Variants in CNOT6 observed in about 807,000 individuals in gnomAD.
CNOT6 encodes CCR4-NOT transcription complex subunit 6, also known as carbon catabolite repression 4 protein.
CNOT6 carries 12 observed loss-of-function variants against 61.2 expected under a neutral mutation model. The observed-to-expected ratio is 0.20, with a 90% CI of 0.13 to 0.32. The LOEUF (loss-of-function observed/expected upper bound fraction) is 0.32, where lower values mean the gene tolerates loss of function less well. Among genes scored for constraint, CNOT6 ranks in the 10% least tolerant of loss-of-function variants. The pLI is 1.00. For synonymous variants in CNOT6, 225 were observed against 240.6 expected, an observed-to-expected ratio of 0.94 and a Z score of 0.60; for missense variants, 405 against 663.9, an observed-to-expected ratio of 0.61 and a Z score of 4.28.
At chr5:180,530,988 A>G (rs910821467) in intron 2 of CNOT6, among the ~76,000 whole-genome samples, 4 of 152,206 alleles carry the variant, frequency 2.6e-5, no homozygotes, top group Admixed American at 6.5e-5. Flanking sequence ...CACAGTAACA[A>G]TCTGATCTCT....
At chr5:180,507,370 C>T (rs924173574) in intron 1 of CNOT6, among the ~76,000 whole-genome samples, 1 of 152,164 alleles carries the variant, frequency 6.6e-6, no homozygotes, top group African/African-American at 2.4e-5. Flanking sequence ...GAGGCCCAGG[C>T]GGGCAGATCA....
intron 1 of CNOT6, among the ~76,000 whole-genome samples, chr5:180,519,264 C>T (rs1259512584): frequency 6.6e-6 from 1 of 152,212 alleles, no homozygotes; most frequent in African/African-American, 2.4e-5. Context: ...GTAGAGAAAG[C>T]TGTGTCAGGC....
chr5:180,572,020 T>C (rs965681930), intron 11 of CNOT6, among the ~76,000 whole-genome samples: 4 of 152,232 alleles, frequency 2.6e-5, no homozygotes, highest in African/African-American at 9.6e-5. Context: ...GGGACAATTA[T>C]GTTTCTTATA....
At chr5:180,547,082 G>A (rs181273693) in intron 2 of CNOT6, among the ~76,000 whole-genome samples, 3 of 152,292 alleles carry the variant, frequency 2.0e-5, no homozygotes, top group African/African-American at 7.2e-5. Context: ...ACTATTTCAT[G>A]TCATTGTTCA....
chr5:180,500,005 T>G (rs1756795176), intron 1 of CNOT6, among the ~76,000 whole-genome samples: 1 of 152,220 alleles, frequency 6.6e-6, no homozygotes, highest in Non-Finnish European at 1.5e-5. Context: ...TGTGACAGAA[T>G]AGCACATAAA....
chr5:180,536,165 T>A (rs893213224), intron 2 of CNOT6, among the ~76,000 whole-genome samples: 2 of 33,202 alleles, frequency 6.0e-5, no homozygotes, highest in African/African-American at 1.3e-4. Flanking sequence ...CCGGCTAATT[T>A]TTTGTATTTT....
intron 2 of CNOT6, among the ~76,000 whole-genome samples, chr5:180,530,651 G>A (rs1246496823): frequency 1.3e-5 from 2 of 152,008 alleles, no homozygotes; most frequent in African/African-American, 4.8e-5. Context: ...AATAGTGGAG[G>A]GAAGGTCAGC....
chr5:180,515,722 C>T (rs911894452), intron 1 of CNOT6, among the ~76,000 whole-genome samples: 2 of 151,574 alleles, frequency 1.3e-5, no homozygotes, highest in African/African-American at 4.9e-5. Context: ...AGCCTGATTA[C>T]TAAAAAAAAA....
In CNOT6 at chr5:180,517,568, A is replaced by G. The variant is rs1198599623; in HGVS notation, c.-2-11707A>G. ...TTTTCTTTTTTCTTCTTTTTTTGAG[A>G]CAGTCTCTCTCTTTTGCCAGGCTGG... On this transcript the variant is annotated intron_variant, in intron 1 of 11. Transcript: ENST00000261951. Among the ~76,000 whole-genome samples, 6 of 149,832 alleles carry G rather than the reference A, an allele frequency of 4.0e-5. No individual in the cohort carries two copies. In the South Asian group the frequency reaches 1.1e-3, roughly 26 times the overall value.
At chr5:180,552,442 C>T (rs950011381) in intron 3 of CNOT6, among the ~76,000 whole-genome samples, 1 of 151,602 alleles carries the variant, frequency 6.6e-6, no homozygotes, top group Admixed American at 6.6e-5. Context: ...GAGATCGAGA[C>T]CATCCTGGCT....
intron 2 of CNOT6, among the ~76,000 whole-genome samples, chr5:180,538,550 T>C (rs1758836256): frequency 6.6e-6 from 1 of 150,828 alleles, no homozygotes; most frequent in Admixed American, 6.6e-5. Context: ...TTGCCGGGCA[T>C]AGTGGCGTGC....
chr5:180,570,904 A>C (rs1450259638), intron 10 of CNOT6, among the ~76,000 whole-genome samples: 2 of 152,234 alleles, frequency 1.3e-5, no homozygotes, highest in Non-Finnish European at 2.9e-5. Context: ...TCGTGGTGTT[A>C]TCTTTAATTC....
chr5:180,506,885 T>C (rs1022799513), intron 1 of CNOT6, among the ~76,000 whole-genome samples: 2 of 152,140 alleles, frequency 1.3e-5, no homozygotes, highest in Admixed American at 6.6e-5. Flanking sequence ...TCTGGAGTTA[T>C]AAAAATATTT....
At chr5:180,531,507 G>A (rs1180682490) in intron 2 of CNOT6, among the ~76,000 whole-genome samples, 4 of 151,138 alleles carry the variant, frequency 2.6e-5, no homozygotes, top group Non-Finnish European at 4.4e-5. Flanking sequence ...CAGACTGGGC[G>A]GCCGGGCTGA....
intron 3 of CNOT6, among the ~76,000 whole-genome samples, 200 bp from the exon 4 acceptor site, chr5:180,553,186 C>T (rs1315672902): frequency 1.3e-5 from 2 of 151,512 alleles, no homozygotes; most frequent in South Asian, 2.1e-4. Context: ...TTCATTTTCT[C>T]TAGTAATTTG....
chr5:180,552,835 GCT>G (rs1491065919), intron 3 of CNOT6, among the ~76,000 whole-genome samples: 5 of 139,318 alleles, frequency 3.6e-5, no homozygotes, highest in Non-Finnish European at 6.7e-5. Flanking sequence ...TAATACAGCT[GCT>G]GTTATTTTTT....
At chr5:180,537,822 GTAAA>G (rs1386202423) in intron 2 of CNOT6, among the ~76,000 whole-genome samples, 2 of 123,518 alleles carry the variant, frequency 1.6e-5, no homozygotes, top group Non-Finnish European at 3.4e-5. Flanking sequence ...TTTTTTTGGT[GTAAA>G]TGGTGTATTT....
At chr5:180,533,159 G>C (rs1014984110) in intron 2 of CNOT6, among the ~76,000 whole-genome samples, 1 of 151,906 alleles carries the variant, frequency 6.6e-6, no homozygotes, top group African/African-American at 2.4e-5. Flanking sequence ...CTGGAATGAC[G>C]GTCTTCTGAC....
intron 2 of CNOT6, among the ~76,000 whole-genome samples, chr5:180,531,872 C>T (rs1046804438): frequency 3.9e-5 from 6 of 152,204 alleles, no homozygotes; most frequent in African/African-American, 1.4e-4. Context: ...CAATCCCAGG[C>T]ACTCTGCAGG....
Sources: gnomAD v4.1 joint callset for allele counts (sites outside exome capture counted in the v4.1 genomes callset) on GRCh38, gnomAD v4.1.1 for gene constraint, MANE v1.5 for transcripts, NCBI Gene and HGNC (gene_info 2026-07-23, HGNC 2026-07-21) for gene names.